Variants in AFF1 observed in about 807,000 individuals in gnomAD.
AFF1 encodes the protein AF4/FMR2 family member 1.
A neutral mutation model predicts 121.7 loss-of-function variants in AFF1; 48 were observed. The observed-to-expected ratio is 0.39, with a 90% confidence interval of 0.31 to 0.50. The LOEUF (loss-of-function observed/expected upper bound fraction) is 0.50, where lower values mean the gene tolerates loss of function less well. AFF1 is among the 20% of genes least tolerant of loss of function. The pLI, the probability that AFF1 is intolerant of heterozygous loss-of-function variation, is 0.76. For missense variants in AFF1, 1,523 were observed against 1,511.7 expected (o/e 1.01, Z -0.12); for synonymous variants, 613 against 563.0 (o/e 1.09, Z -1.26).
At chr4:86,986,034 TCAA>T (rs1266879210) in intron 2 of AFF1, among the ~76,000 whole-genome samples, 7 of 133,468 alleles carry the variant, frequency 5.2e-5, no homozygotes, top group African/African-American at 1.2e-4. Flanking sequence ...AAAATTTAAT[TCAA>T]TTCAATTTAA....
intron 2 of AFF1, among the ~76,000 whole-genome samples, chr4:86,991,480 T>C (rs1578913619): frequency 1.3e-5 from 2 of 151,948 alleles, no homozygotes; most frequent in East Asian, 3.9e-4. Flanking sequence ...AGCCAACATA[T>C]ATAGCCTTCT....
intron 2 of AFF1, among the ~76,000 whole-genome samples, chr4:86,983,681 C>T (rs1018915208): frequency 1.3e-5 from 2 of 151,786 alleles, no homozygotes; most frequent in Admixed American, 6.6e-5. Context: ...TGCACTCTAG[C>T]CTGGGTGACA....
rs367930735 is a variant in AFF1, at chr4:87,126,146, C to A, written c.2621C>A (p.Pro874Gln). ...TCCTCAAAGAAGGAAATGCTCCCCC[C>A]GCCACCCGTGTCCTCGTCCTCCCAG... ...SQSSKKEMLP[P>Q]PPVSSSSQKP... The change falls in exon 14 of 21, where the codon CCG becomes CAG. Residue 874 changes from proline to glutamine, a missense_variant. Around this residue, in one of 5 missense-constraint regions of AFF1, gnomAD observed 905 missense variants for 842.5 expected, o/e 1.07. Transcript: ENST00000395146. 4 of 1,614,176 alleles carry A rather than the reference C, an allele frequency of 2.5e-6. No homozygotes were observed. The highest frequency in any genetic ancestry group is 2.2e-5 in the South Asian group (2 of 91,082).
At chr4:87,075,369 C>T (rs1022026790) in intron 4 of AFF1, among the ~76,000 whole-genome samples, 3 of 152,050 alleles carry the variant, frequency 2.0e-5, no homozygotes, top group Non-Finnish European at 2.9e-5. Flanking sequence ...TATATGTACA[C>T]ATATATACAC....
At position 87,001,782 on chromosome 4, in the gene AFF1, T is replaced by C. The variant is rs983906558; in HGVS notation, c.39-44384T>C. On this transcript the variant is annotated intron_variant, in intron 2 of 20. Coordinates refer to ENST00000395146, the MANE Select transcript of AFF1 (RefSeq NM_001166693.3). ...GGTGCTCATTAGCAGTCCTCCTTGC[T>C]GTCTGCCTTCTGGGTAATGCCTGTT... Among the ~76,000 whole-genome samples the C allele has an allele frequency of 2.0e-5, 3 of 152,204 alleles. No individual in the cohort carries two copies. In the East Asian group the frequency reaches 5.8e-4, roughly 29 times the overall value.
At chr4:87,100,653 G>A (rs999800718) in intron 8 of AFF1, among the ~76,000 whole-genome samples, 8 of 152,140 alleles carry the variant, frequency 5.3e-5, no homozygotes, top group African/African-American at 1.9e-4. Context: ...TGTAGCCATA[G>A]GGTCTAGAGC....
chr4:87,081,266 ACT>A (rs1723149134), intron 4 of AFF1, among the ~76,000 whole-genome samples: 1 of 144,120 alleles, frequency 6.9e-6, no homozygotes, highest in Non-Finnish European at 1.5e-5. Flanking sequence ...GGTTCACACG[ACT>A]CTCCTGCCTC....
intron 3 of AFF1, 146 bp from the exon 4 acceptor site, chr4:87,046,549 G>A (rs1244865422): frequency 1.0e-6 from 1 of 976,916 alleles, no homozygotes; most frequent in East Asian, 2.6e-5. Flanking sequence ...TTCTCAACAG[G>A]GGAATTGAGT....
chr4:86,963,984 T>TTTA (rs1553910103), intron 2 of AFF1, among the ~76,000 whole-genome samples: 1 of 144,352 alleles, frequency 6.9e-6, no homozygotes, highest in African/African-American at 2.6e-5. Flanking sequence ...TTTTTTTTTT[T>TTTA]AGTACAATTT....
chr4:87,112,690 C>A (rs1385960267), intron 11 of AFF1, among the ~76,000 whole-genome samples: 1 of 152,198 alleles, frequency 6.6e-6, no homozygotes, highest in Non-Finnish European at 1.5e-5. Flanking sequence ...AGTCTTTCTT[C>A]CCCTTAAAAC....
intron 8 of AFF1, among the ~76,000 whole-genome samples, chr4:87,102,293 G>T (rs546080581): frequency 2.6e-5 from 4 of 152,296 alleles, no homozygotes; most frequent in African/African-American, 9.6e-5. Context: ...TATTTGACCA[G>T]TTAAAGTATA....
chr4:87,091,608 G>C (rs904955610), intron 6 of AFF1, among the ~76,000 whole-genome samples, 185 bp from the exon 7 acceptor site: 11 of 152,188 alleles, frequency 7.2e-5, no homozygotes, highest in Non-Finnish European at 1.0e-4. Context: ...ATAGCTGCAA[G>C]TCATAATGAA....
At chr4:87,005,480 A>G (rs1439463338) in intron 2 of AFF1, among the ~76,000 whole-genome samples, 1 of 152,208 alleles carries the variant, frequency 6.6e-6, no homozygotes, top group Non-Finnish European at 1.5e-5. Flanking sequence ...AGTACTGTCA[A>G]TTGTTTTCCT....
chr4:87,089,453 C>G (rs1004160355), intron 5 of AFF1, among the ~76,000 whole-genome samples: 10 of 152,270 alleles, frequency 6.6e-5, no homozygotes, highest in Admixed American at 6.5e-4. Flanking sequence ...TTCTTATTTG[C>G]TAATAGTGTG....
intron 3 of AFF1, 27 bp from the exon 4 acceptor site, chr4:87,046,667 TC>T: frequency 6.4e-7 from 1 of 1,574,340 alleles, no homozygotes. Flanking sequence ...TAGTTTTTTT[TC>T]ATTCTCAAAT....
intron 4 of AFF1, among the ~76,000 whole-genome samples, chr4:87,052,181 GAGGATCA>G (rs1726469593): frequency 6.6e-6 from 1 of 152,168 alleles, no homozygotes; most frequent in African/African-American, 2.4e-5. Context: ...GCCGAGGTGG[GAGGATCA>G]CTCCTGGGGA....
At chr4:86,996,805 T>C (rs2149514345) in intron 2 of AFF1, among the ~76,000 whole-genome samples, 1 of 152,384 alleles carries the variant, frequency 6.6e-6, no homozygotes, top group East Asian at 1.9e-4. Flanking sequence ...AGGTGGAGCC[T>C]TTAAGAGGTG....
chr4:86,949,546 T>TA, intron 2 of AFF1: 2 of 383,900 alleles, frequency 5.2e-6, no homozygotes, highest in African/African-American at 2.3e-5. Context: ...TATTTTTTTT[T>TA]TTTTTTTTTT....
intron 2 of AFF1, among the ~76,000 whole-genome samples, chr4:87,035,295 CTCA>C (rs1729447970): frequency 6.6e-6 from 1 of 152,128 alleles, no homozygotes; most frequent in Admixed American, 6.5e-5. Context: ...GGCATGGTGG[CTCA>C]CATCTGTAAT....
Sources: allele counts gnomAD v4.1 joint callset (sites outside exome capture counted in the v4.1 genomes callset), GRCh38; gene constraint gnomAD v4.1.1; regional missense constraint gnomAD v4.1.1; transcripts MANE v1.5; gene names NCBI Gene and HGNC (gene_info 2026-07-23, HGNC 2026-07-21).